DTNB: variants seen among roughly 807,000 people sequenced by gnomAD.
DTNB encodes dystrobrevin beta.
In DTNB, 63 loss-of-function variants were observed where a neutral mutation model predicts 90.7. The observed-to-expected ratio is 0.69, with a 90% CI of 0.57 to 0.86. The LOEUF (loss-of-function observed/expected upper bound fraction) is 0.86. Ranked by LOEUF, DTNB falls within the 40% of genes least tolerant of loss-of-function variation. The pLI, the probability that DTNB is intolerant of heterozygous loss-of-function variation, is 0.00. For missense variants in DTNB, 744 were observed against 807.1 expected (o/e 0.92, Z 0.95); for synonymous variants, 277 against 286.7 (o/e 0.97, Z 0.34).
In DTNB at chr2:25,531,449, A is replaced by G. The variant is rs543624369; in HGVS notation, c.1001+24T>C. 8.3e-5 allele frequency: 133 copies of G among 1,601,182 alleles called. No homozygotes were observed. In the South Asian group the frequency reaches 1.4e-3, roughly 16 times the overall value. On this transcript the variant is annotated intron_variant, in intron 9 of 20. Transcript: ENST00000406818. ...AGGCCCCCATTTCAGTGTGATCCAC[A>G]TGCACATCCAGGGGTATACTTACAC...
At chr2:25,562,365 CTT>C (rs1034550016) in intron 8 of DTNB, among the ~76,000 whole-genome samples, 2 of 152,150 alleles carry the variant, frequency 1.3e-5, no homozygotes, top group Non-Finnish European at 2.9e-5. Flanking sequence ...CTTTTTAGCT[CTT>C]TGGAATAATG....
intron 5 of DTNB, among the ~76,000 whole-genome samples, chr2:25,599,581 T>C (rs557338691): frequency 6.6e-6 from 1 of 152,104 alleles, no homozygotes; most frequent in African/African-American, 2.4e-5. Flanking sequence ...GATCTCGTGA[T>C]GCACGCCTCG....
intron 8 of DTNB, chr2:25,576,383 G>A (rs569118663): frequency 1.9e-4 from 29 of 151,408 alleles, no homozygotes; most frequent in African/African-American, 5.4e-4. Flanking sequence ...CTGCCACCAC[G>A]CCCGGATAAT....
At chr2:25,545,546 C>G (rs2082225771) in intron 8 of DTNB, among the ~76,000 whole-genome samples, 1 of 152,158 alleles carries the variant, frequency 6.6e-6, no homozygotes, top group Non-Finnish European at 1.5e-5. Context: ...ATGATGAAGA[C>G]TTGCTATACC....
chr2:25,546,246 T>A (rs1331401118), intron 8 of DTNB, among the ~76,000 whole-genome samples: 1 of 152,226 alleles, frequency 6.6e-6, no homozygotes, highest in African/African-American at 2.4e-5. Flanking sequence ...CCTTTCCCTA[T>A]AATAGACAAC....
chr2:25,658,991 G>A lies in DTNB; in HGVS notation c.-1-6330C>T, dbSNP rs141167052. ...TTGTCCAGGCTGGTCTCGAACTCCT[G>A]GGCTCAAGCAATCGTCCCACCCCTG... On this transcript the variant is annotated intron_variant, in intron 1 of 20. Coordinates refer to ENST00000406818, the MANE Select transcript of DTNB (RefSeq NM_021907.5). Among the ~76,000 whole-genome samples, 913 of 152,012 alleles carry A rather than the reference G, an allele frequency of 6.0e-3. 7 individuals carry two copies. Among genetic ancestry groups the A allele is most frequent in the African/African-American group, 0.021 (865 of 41,456 alleles).
chr2:25,538,240 T>G (rs57554628), intron 8 of DTNB, among the ~76,000 whole-genome samples: 1 of 150,658 alleles, frequency 6.6e-6, no homozygotes, highest in Non-Finnish European at 1.5e-5. Flanking sequence ...ACAAAAAATA[T>G]ATATATATCC....
chr2:25,433,690 G>A lies in DTNB; in HGVS notation c.1343+220C>T, dbSNP rs201210164. Among the ~76,000 whole-genome samples the A allele has an allele frequency of 8.6e-5, 13 of 152,028 alleles. No homozygotes were observed. In the East Asian group the frequency reaches 1.2e-3, roughly 14 times the overall value. ...GAGGCCCTGCTAAAAGGAATCCCCC[G>A]AGGGCAGGTGAGCAGAGCTGTGGAC... On this transcript the variant is annotated intron_variant, in intron 13 of 20. Transcript: ENST00000406818.
At chr2:25,566,569 G>A (rs2059070880) in intron 8 of DTNB, among the ~76,000 whole-genome samples, 1 of 152,184 alleles carries the variant, frequency 6.6e-6, no homozygotes, top group Non-Finnish European at 1.5e-5. Context: ...ATAATTAATA[G>A]TGTCTCCTTT....
chr2:25,451,178 C>T (rs2059230549), intron 12 of DTNB, among the ~76,000 whole-genome samples: 1 of 152,168 alleles, frequency 6.6e-6, no homozygotes, highest in Non-Finnish European at 1.5e-5. Context: ...ATCATGTCAT[C>T]TTCAAATAAA....
intron 16 of DTNB, among the ~76,000 whole-genome samples, chr2:25,414,000 T>C (rs565894861): frequency 6.6e-6 from 1 of 152,354 alleles, no homozygotes; most frequent in East Asian, 1.9e-4. Context: ...TATCTCATTG[T>C]GGTTTTGATT....
At chr2:25,536,663 G>C (rs2079867191) in intron 8 of DTNB, among the ~76,000 whole-genome samples, 1 of 152,210 alleles carries the variant, frequency 6.6e-6, no homozygotes, top group Non-Finnish European at 1.5e-5. Flanking sequence ...GATCATGGCA[G>C]TACAGTCCAG....
chr2:25,432,244 C>CACACACA, intron 14 of DTNB, among the ~76,000 whole-genome samples: 2 of 148,312 alleles, frequency 1.3e-5, no homozygotes, highest in African/African-American at 4.9e-5. Flanking sequence ...CACACACACA[C>CACACACA]CCCTTTCTAA....
chr2:25,545,216 T>G (rs1403046207), intron 8 of DTNB, among the ~76,000 whole-genome samples: 2 of 152,246 alleles, frequency 1.3e-5, no homozygotes, highest in African/African-American at 4.8e-5. Flanking sequence ...AATTTGGCCT[T>G]TTTTCATTCA....
chr2:25,543,478 T>C (rs1479532245), intron 8 of DTNB, among the ~76,000 whole-genome samples: 1 of 152,164 alleles, frequency 6.6e-6, no homozygotes, highest in Non-Finnish European at 1.5e-5. Flanking sequence ...CTAATTTTTG[T>C]ATTTTTAATA....
At chr2:25,540,323 A>G (rs2080903040) in intron 8 of DTNB, among the ~76,000 whole-genome samples, 1 of 152,182 alleles carries the variant, frequency 6.6e-6, no homozygotes, top group African/African-American at 2.4e-5. Flanking sequence ...ATGTCTTTCA[A>G]TAAAGTTTCA....
At chr2:25,666,523 GA>G in intron 1 of DTNB, among the ~76,000 whole-genome samples, 1 of 152,182 alleles carries the variant, frequency 6.6e-6, no homozygotes, top group Middle Eastern at 3.4e-3. Context: ...CCATAACAAA[GA>G]AAAAAGTCTT....
rs1383026478 is a variant in DTNB, at chr2:25,526,360, TAA to T, written c.1001+5111_1001+5112del. 5.9e-3 allele frequency among the ~76,000 whole-genome samples: 518 copies of T among 87,646 alleles called. 6 individuals are homozygous for T. Among genetic ancestry groups the T allele is most frequent in the African/African-American group, 0.027 (437 of 16,418 alleles). The allele number at this position is 87,646 out of a possible 152,430, so 57.5% of individuals were successfully genotyped here. ...TCACAATAGCACTTATAAATATATA[TAA>T]ATATATATATATATATATATATATA... On this transcript the variant is annotated intron_variant, in intron 9 of 20. Transcript: ENST00000406818.
chr2:25,617,779 G>A (rs908020457), intron 4 of DTNB, among the ~76,000 whole-genome samples: 2 of 152,260 alleles, frequency 1.3e-5, no homozygotes, highest in African/African-American at 4.8e-5. Flanking sequence ...ATGGGAGGCT[G>A]AGGTAGGAGA....
Sources: gnomAD v4.1 joint callset for allele counts (sites outside exome capture counted in the v4.1 genomes callset) on GRCh38, gnomAD v4.1.1 for gene constraint, MANE v1.5 for transcripts, NCBI Gene and HGNC (gene_info 2026-07-23, HGNC 2026-07-21) for gene names.